SEMA3E: variants seen among roughly 807,000 people sequenced by gnomAD.
The protein encoded by SEMA3E is semaphorin 3E.
SEMA3E carries 49 observed loss-of-function variants against 93.6 expected under a neutral mutation model. That is an observed-to-expected ratio of 0.52 (90% CI 0.42 to 0.66). The LOEUF is 0.66. Ranked by LOEUF, SEMA3E falls within the 30% of genes least tolerant of loss-of-function variation. The pLI, the probability that SEMA3E is intolerant of heterozygous loss-of-function variation, is 0.00. For missense variants in SEMA3E, 906 were observed against 964.8 expected (o/e 0.94, Z 0.81); for synonymous variants, 363 against 330.7 (o/e 1.10, Z -1.06).
chr7:83,464,565 A>G (rs1789709314), intron 4 of SEMA3E, among the ~76,000 whole-genome samples: 1 of 141,424 alleles, frequency 7.1e-6, no homozygotes, highest in Admixed American at 7.6e-5. Context: ...TGGCAGGACT[A>G]TGCTGAATCT....
chr7:83,486,017 G>A (rs79323223), intron 2 of SEMA3E, among the ~76,000 whole-genome samples: 1,766 of 152,146 alleles, frequency 0.012, 31 homozygotes, highest in African/African-American at 0.041. Context: ...ATGTATCACC[G>A]GGTAGATCCA....
chr7:83,591,139 A>C (rs1375541789), intron 1 of SEMA3E, among the ~76,000 whole-genome samples: 1 of 148,934 alleles, frequency 6.7e-6, no homozygotes, highest in Non-Finnish European at 1.5e-5. Context: ...GAATTCTTTA[A>C]GGAATAGATA....
At chr7:83,507,703 C>G (rs1790733404) in intron 1 of SEMA3E, among the ~76,000 whole-genome samples, 1 of 151,534 alleles carries the variant, frequency 6.6e-6, no homozygotes, top group Admixed American at 6.6e-5. Flanking sequence ...TTTAGAAGGC[C>G]AAGGTGGGAG....
At chr7:83,505,995 A>G (rs1467360229) in intron 1 of SEMA3E, among the ~76,000 whole-genome samples, 1 of 142,098 alleles carries the variant, frequency 7.0e-6, no homozygotes, top group Non-Finnish European at 1.5e-5. Context: ...AGCCTGGGCA[A>G]CAGTGCTAGA....
intron 1 of SEMA3E, among the ~76,000 whole-genome samples, chr7:83,632,607 T>G (rs561627206): frequency 6.6e-6 from 1 of 152,222 alleles, no homozygotes; most frequent in Non-Finnish European, 1.5e-5. Context: ...TCCCCAACCA[T>G]GTGGAACTGT....
At chr7:83,599,230 T>C (rs1245134955) in intron 1 of SEMA3E, among the ~76,000 whole-genome samples, 3 of 152,194 alleles carry the variant, frequency 2.0e-5, no homozygotes, top group African/African-American at 7.2e-5. Context: ...TCTAACCTTT[T>C]CTAAAATAGT....
chr7:83,442,953 G>T (rs1016564226), intron 4 of SEMA3E, among the ~76,000 whole-genome samples: 24 of 152,178 alleles, frequency 1.6e-4, no homozygotes, highest in African/African-American at 4.8e-4. Flanking sequence ...AGTAGCTTGT[G>T]TCGATGAAGT....
Position 83,591,175 on chromosome 7 carries a change from T to A in SEMA3E, c.115+57253A>T, listed in dbSNP as rs185317393. On this transcript the variant is annotated intron_variant, in intron 1 of 16. Coordinates refer to ENST00000643230, the MANE Select transcript of SEMA3E (RefSeq NM_012431.3). ...AGTAAATGTTTAGTTTTACTGCCGA[T>A]AGAAATACAATTTACAAAATTTAGA... is the stretch of plus-strand genomic sequence containing the variant. Among the ~76,000 whole-genome samples, 476 of 150,170 alleles carry A rather than the reference T, an allele frequency of 3.2e-3. 1 individual carries two copies. The highest frequency in any genetic ancestry group is 0.011 in the African/African-American group (432 of 40,984).
chr7:83,539,046 T>C (rs919884922), intron 1 of SEMA3E, among the ~76,000 whole-genome samples: 2 of 152,042 alleles, frequency 1.3e-5, no homozygotes, highest in Non-Finnish European at 2.9e-5. Flanking sequence ...AAGCTCTGAG[T>C]GGGTAGGTGG....
chr7:83,536,844 C>T (rs1791419559), intron 1 of SEMA3E, among the ~76,000 whole-genome samples: 1 of 151,984 alleles, frequency 6.6e-6, no homozygotes, highest in African/African-American at 2.4e-5. Flanking sequence ...CCATTTTATT[C>T]AAAGTTATGT....
chr7:83,426,903 A>G (rs767930875), intron 4 of SEMA3E, among the ~76,000 whole-genome samples: 2 of 152,090 alleles, frequency 1.3e-5, no homozygotes, highest in Non-Finnish European at 2.9e-5. Flanking sequence ...TAATTTCTTC[A>G]GACACCCAAT....
intron 16 of SEMA3E, among the ~76,000 whole-genome samples, chr7:83,378,147 G>C (rs536980767): frequency 6.7e-6 from 1 of 148,928 alleles, no homozygotes; most frequent in Non-Finnish European, 1.5e-5. Flanking sequence ...ACTATATGTG[G>C]AAATATATAT....
intron 1 of SEMA3E, among the ~76,000 whole-genome samples, chr7:83,553,125 T>C (rs930613461): frequency 1.3e-5 from 2 of 152,222 alleles, no homozygotes; most frequent in Non-Finnish European, 2.9e-5. Context: ...GTCCTACCGA[T>C]AGGTGATGTC....
At chr7:83,495,068 T>G (rs1308308331) in intron 1 of SEMA3E, among the ~76,000 whole-genome samples, 2 of 151,884 alleles carry the variant, frequency 1.3e-5, no homozygotes, top group Non-Finnish European at 2.9e-5. Context: ...ATGAACAAAT[T>G]TATAATACCA....
intron 1 of SEMA3E, among the ~76,000 whole-genome samples, chr7:83,523,108 A>G (rs947210213): frequency 3.3e-5 from 5 of 152,148 alleles, no homozygotes; most frequent in African/African-American, 9.7e-5. Flanking sequence ...AAAAAGAGCT[A>G]GAGGGAGTAT....
Position 83,648,758 on chromosome 7 carries a change from A to G in SEMA3E, c.-216T>C, listed in dbSNP as rs1794113931. 1 of 614,254 alleles carries G rather than the reference A, an allele frequency of 1.6e-6. No individual in the cohort carries two copies. The highest frequency in any genetic ancestry group is 2.9e-5 in the East Asian group (1 of 34,922). The allele number at this position is 614,254 out of a possible 1,614,324, so 38.1% of individuals were successfully genotyped here. A position where few individuals can be genotyped will look rare whatever the true frequency, so the allele number is the denominator to read the frequency against. Reference sequence around the variant, plus strand: ...GACAGTTGTTTATAAGCCGGGAGCAAGAGGACATTCCAAAGAGTGAGTCTT... The same window carrying G: ...GACAGTTGTTTATAAGCCGGGAGCAGGAGGACATTCCAAAGAGTGAGTCTT... On this transcript the variant is annotated 5_prime_UTR_variant, in exon 1 of 17. Transcript: ENST00000643230.
At chr7:83,439,814 C>T (rs1789075960) in intron 4 of SEMA3E, among the ~76,000 whole-genome samples, 2 of 152,132 alleles carry the variant, frequency 1.3e-5, no homozygotes, top group African/African-American at 4.8e-5. Flanking sequence ...ATTTTCTTTT[C>T]TTGCATGATA....
chr7:83,367,446 T>C lies in SEMA3E; in HGVS notation c.*140A>G, dbSNP rs1393670809. 3.5e-6 allele frequency: 3 copies of C among 867,992 alleles called. No homozygotes were observed. Among genetic ancestry groups the C allele is most frequent in the East Asian group, 2.5e-5 (1 of 39,964 alleles). The allele number at this position is 867,992 out of a possible 1,614,324, so 53.8% of individuals were successfully genotyped here. ...CCAGTCAAATGAGTATGTAGAATAA[T>C]TTATTATAACACCTTCATAGTCATT... On this transcript the variant is annotated 3_prime_UTR_variant, in exon 17 of 17. Coordinates refer to ENST00000643230, the MANE Select transcript of SEMA3E (RefSeq NM_012431.3).
chr7:83,648,100 C>T (rs1270602785), intron 1 of SEMA3E, among the ~76,000 whole-genome samples: 2 of 152,102 alleles, frequency 1.3e-5, no homozygotes, highest in Non-Finnish European at 2.9e-5. Context: ...TGGATTCAGC[C>T]TCTCAAGGCT....
Sources: gnomAD v4.1 joint callset for allele counts (sites outside exome capture counted in the v4.1 genomes callset) on GRCh38, gnomAD v4.1.1 for gene constraint, MANE v1.5 for transcripts, NCBI Gene and HGNC (gene_info 2026-07-23, HGNC 2026-07-21) for gene names.